The following PRH1 variants were observed in gnomAD, a reference collection of about 807,000 sequenced individuals.
PRH1 encodes salivary acidic proline-rich phosphoprotein 1/2.
Under a neutral mutation model 7.9 loss-of-function variants are expected in PRH1, and 7 were observed. The ratio of observed to expected loss-of-function variants is 0.89; its 90% CI spans 0.50 to 1.67. The LOEUF is 1.67. PRH1 is among the 40% of genes most tolerant of loss of function. The pLI, the probability that PRH1 is intolerant of heterozygous loss-of-function variation, is 0.00. For missense variants in PRH1, 109 were observed against 223.6 expected (o/e 0.49, Z 3.27); for synonymous variants, 45 against 80.8 (o/e 0.56, Z 2.38).
rs71051557 is a variant in PRH1, at chr12:11,042,623, C to CTTTTTTTTTTTTTTTTT, written c.-126+4380_-126+4396dup. 8.4e-3 allele frequency among the ~76,000 whole-genome samples: 667 copies of CTTTTTTTTTTTTTTTTT among 79,286 alleles called. 54 individuals carry two copies. Among genetic ancestry groups the CTTTTTTTTTTTTTTTTT allele is most frequent in the Non-Finnish European group, 0.011 (468 of 43,792 alleles). 52.0% of individuals were successfully genotyped at this position (79,286 alleles called of 152,430 possible). On this transcript the variant is annotated intron_variant, in intron 1 of 3. Transcript: ENST00000539853. Reference sequence around the variant, plus strand: ...AAGAGGGACTACTTCCAGGCTCATTCTTTTTTTTTTTTTTTTTTTTTTTTG... The same window carrying CTTTTTTTTTTTTTTTTT: ...AAGAGGGACTACTTCCAGGCTCATTCTTTTTTTTTTTTTTTTTTTTTTTTTTTTTTTTTTTTTTTTTG...
At chr12:11,055,245 A>T (rs1943314574) in intron 1 of PRH1, among the ~76,000 whole-genome samples, 1 of 152,048 alleles carries the variant, frequency 6.6e-6, no homozygotes, top group South Asian at 2.1e-4. Context: ...CAAAGAAAAT[A>T]ATATGTTGAA....
At chr12:11,163,880 C>T (rs1272635034) in intron 1 of PRH1, among the ~76,000 whole-genome samples, 1 of 152,126 alleles carries the variant, frequency 6.6e-6, no homozygotes, top group East Asian at 1.9e-4. Flanking sequence ...ATAACATTTC[C>T]CAGACCCCAT....
At chr12:10,932,052 C>T (rs753979335) in intron 2 of PRH1, among the ~76,000 whole-genome samples, 4 of 152,122 alleles carry the variant, frequency 2.6e-5, no homozygotes, top group East Asian at 1.9e-4. Context: ...AAGCACATTA[C>T]GTGCAATGGC....
At chr12:11,045,339 GAATTAATA>G (rs1942866426) in intron 1 of PRH1, among the ~76,000 whole-genome samples, 1 of 148,756 alleles carries the variant, frequency 6.7e-6, no homozygotes, top group African/African-American at 2.5e-5. Flanking sequence ...AAAATAGAAA[GAATTAATA>G]AGACCTACTA....
At chr12:10,996,147 C>G (rs1940218779) in intron 1 of PRH1, among the ~76,000 whole-genome samples, 1 of 151,186 alleles carries the variant, frequency 6.6e-6, no homozygotes, top group South Asian at 2.1e-4. Context: ...GAAACCCCAT[C>G]TCTACTAAAA....
intron 2 of PRH1, among the ~76,000 whole-genome samples, chr12:10,905,716 A>G (rs1949793510): frequency 6.6e-6 from 1 of 152,124 alleles, no homozygotes; most frequent in Non-Finnish European, 1.5e-5. Flanking sequence ...TATAGACCAT[A>G]GAATACTATG....
In PRH1 at chr12:11,143,262, T is replaced by C. The variant is rs1002847265; in HGVS notation, n.40-22082A>G. ...GTGTTTGTGCTTGTTTGTTTGCTTA[T>C]GCAAACAGTGCTAAGTTGCTATCAG... On this transcript the variant is annotated intron_variant and non_coding_transcript_variant, in intron 1 of 1. Coordinates refer to the PRH1 transcript ENST00000541175. 2.0e-5 allele frequency among the ~76,000 whole-genome samples: 3 copies of C among 152,238 alleles called. No individual in the cohort carries two copies. The South Asian group carries it at 6.2e-4, about 31-fold the overall frequency.
chr12:11,057,450 G>C (rs923315478), intron 1 of PRH1, among the ~76,000 whole-genome samples: 4 of 151,164 alleles, frequency 2.6e-5, no homozygotes, highest in Non-Finnish European at 5.9e-5. Context: ...CACATTCTTC[G>C]TGAACTGTAG....
intron 1 of PRH1, among the ~76,000 whole-genome samples, chr12:11,139,592 A>C (rs2600350): frequency 0.46 from 69,193 of 151,950 alleles, 16,547 homozygotes; most frequent in Non-Finnish European, 0.53. Context: ...GTTGTATTAT[A>C]CTGTTGTAAA....
At chr12:11,070,313 G>A (rs1371686760) in intron 1 of PRH1, among the ~76,000 whole-genome samples, 4 of 152,272 alleles carry the variant, frequency 2.6e-5, no homozygotes, top group Admixed American at 2.6e-4. Context: ...AATGCCTCAG[G>A]CAAGCATGTG....
chr12:11,133,984 G>T, intron 1 of PRH1: 1 of 1,614,102 alleles, frequency 6.2e-7, no homozygotes, highest in Middle Eastern at 1.6e-4. Context: ...TTACTGCCCA[G>T]ACATTATAAG....
intron 1 of PRH1, among the ~76,000 whole-genome samples, chr12:11,003,900 G>A (rs1940706787): frequency 1.3e-5 from 2 of 151,774 alleles, no homozygotes; most frequent in African/African-American, 4.8e-5. Flanking sequence ...TTTGATTGCT[G>A]TATAGCATTC....
intron 1 of PRH1, among the ~76,000 whole-genome samples, chr12:10,999,411 T>C (rs1024745516): frequency 1.3e-5 from 2 of 152,186 alleles, no homozygotes; most frequent in African/African-American, 4.8e-5. Context: ...TTAGCTCTCT[T>C]GAGTTGTATA....
At chr12:11,048,813 G>T, upstream of PRH1, 1 of 287,356 alleles carries the variant, frequency 3.5e-6, no homozygotes. Context: ...TCTCACCCGT[G>T]GTTATCAGAG....
At chr12:10,908,567 G>T in intron 2 of PRH1, 2 of 1,613,936 alleles carry the variant, frequency 1.2e-6, no homozygotes, top group South Asian at 1.1e-5. Flanking sequence ...CACATAGAAA[G>T]AAACTAGCAT....
intron 2 of PRH1, among the ~76,000 whole-genome samples, chr12:10,952,624 T>C (rs566795371): frequency 6.6e-6 from 1 of 152,324 alleles, no homozygotes; most frequent in South Asian, 2.1e-4. Context: ...AAATTAGTAA[T>C]GACATTCATG....
chr12:10,884,996 T>A (rs1949469150), upstream of PRH1, among the ~76,000 whole-genome samples: 1 of 152,196 alleles, frequency 6.6e-6, no homozygotes, highest in Non-Finnish European at 1.5e-5. Context: ...CACCAAGGAA[T>A]TTCTAGACCT....
chr12:11,123,577 T>G (rs1394039478), intron 1 of PRH1, among the ~76,000 whole-genome samples: 2 of 152,224 alleles, frequency 1.3e-5, no homozygotes, highest in Admixed American at 6.5e-5. Flanking sequence ...TATTGCTTCT[T>G]GCATGTTCAA....
At chr12:10,932,013 T>A (rs569524469) in intron 2 of PRH1, among the ~76,000 whole-genome samples, 6 of 152,176 alleles carry the variant, frequency 3.9e-5, no homozygotes, top group Non-Finnish European at 8.8e-5. Flanking sequence ...ACAATAATCG[T>A]TTTTCGTCCT....
Sources: allele counts gnomAD v4.1 joint callset (sites outside exome capture counted in the v4.1 genomes callset), GRCh38; gene constraint gnomAD v4.1.1; transcripts MANE v1.5; gene names NCBI Gene and HGNC (gene_info 2026-07-23, HGNC 2026-07-21).